Variants in CNOT7 observed in about 807,000 individuals in gnomAD.
The protein encoded by CNOT7 is CCR4-NOT transcription complex subunit 7, also known as BTG1-binding factor 1.
CNOT7 carries 4 observed loss-of-function variants against 37.1 expected under a neutral mutation model. The ratio of observed to expected loss-of-function variants is 0.11; its 90% confidence interval spans 0.05 to 0.25. The LOEUF (loss-of-function observed/expected upper bound fraction) is 0.25. CNOT7 is among the 10% of genes least tolerant of loss of function. CNOT7 has a pLI of 1.00. For synonymous variants in CNOT7, 128 were observed against 115.6 expected, an observed-to-expected ratio of 1.11 and a Z score of -0.69; for missense variants, 170 against 336.2, an observed-to-expected ratio of 0.51 and a Z score of 3.87.
rs1407514937 is a variant in CNOT7, at chr8:17,245,344, G to A, written c.-95-97C>T. 9.8e-6 allele frequency: 5 copies of A among 508,022 alleles called. No individual in the cohort carries two copies. In the Admixed American group the frequency reaches 1.3e-4, roughly 13 times the overall value. The allele number at this position is 508,022 out of a possible 1,614,324, so 31.5% of individuals were successfully genotyped here. ...GAACCTAAGAAGTTATTTATTCAAA[G>A]TTCTTGACTCATAAAAAAAAAAAAT... On this transcript the variant is annotated intron_variant, in intron 1 of 6. Transcript: ENST00000361272.
intron 4 of CNOT7, among the ~76,000 whole-genome samples, chr8:17,235,911 C>G (rs1358565021): frequency 6.6e-6 from 1 of 152,070 alleles, no homozygotes; most frequent in Non-Finnish European, 1.5e-5. Flanking sequence ...CATCTTAATA[C>G]CCAGTGCCTA....
rs893198361 is a variant in CNOT7 at position 17,227,812 on chromosome 8, C to T, written c.*2908G>A. 14 of 151,784 alleles carry T rather than the reference C, an allele frequency of 9.2e-5. No individual in the cohort carries two copies. The highest frequency in any genetic ancestry group is 1.3e-4 in the Non-Finnish European group (9 of 67,778). 9.4% of individuals were successfully genotyped at this position (151,784 alleles called of 1,614,324 possible). A position where few individuals can be genotyped will look rare whatever the true frequency, so the allele number is the denominator to read the frequency against. On this transcript the variant is annotated 3_prime_UTR_variant, in exon 7 of 7. Transcript: ENST00000361272. ...ATTCCAATGTGCCTTGAAAGTGTAA[C>T]ATTCAAAGGTACTTTTCTTGTTCTG...
In CNOT7 at chr8:17,229,419, A is replaced by T. The variant is rs554521497; in HGVS notation, c.*1301T>A. 1.3e-5 allele frequency: 2 copies of T among 152,330 alleles called. No homozygotes were observed. Among genetic ancestry groups the T allele is most frequent in the African/African-American group, 4.8e-5 (2 of 41,424 alleles). The allele number at this position is 152,330 out of a possible 1,614,324, so 9.4% of individuals were successfully genotyped here. A position where few individuals can be genotyped will look rare whatever the true frequency, so the allele number is the denominator to read the frequency against. Reference sequence around the variant, plus strand: ...GGAGATTTGCTAATATTACTGATTGAAGTGTAGGTAACACACATTATAACT... The same window carrying T: ...GGAGATTTGCTAATATTACTGATTGTAGTGTAGGTAACACACATTATAACT... On this transcript the variant is annotated 3_prime_UTR_variant, in exon 7 of 7. Coordinates refer to ENST00000361272, the MANE Select transcript of CNOT7 (RefSeq NM_013354.7).
chr8:17,241,654 A>C (rs1810183202), intron 3 of CNOT7: 1 of 152,224 alleles, frequency 6.6e-6, no homozygotes, highest in Non-Finnish European at 1.5e-5. Flanking sequence ...ACAGAAGAAC[A>C]ATGCAATATT....
Position 17,237,256 on chromosome 8 carries a change from A to C in CNOT7, c.429T>G (p.Ser143=). ...TGACCCCTTCACAGAGGACCACTCC[A>C]GAAGTCATAAGAAGTTCTGCAAAGT... ...TQYFAELLMT[S]GVVLCEGVKW... Residue 143 remains serine (S), a synonymous_variant, in exon 4 of 7, where the codon TCT becomes TCG. Transcript: ENST00000361272. 6.2e-7 allele frequency: 1 copy of C among 1,614,152 alleles called. No individual in the cohort carries two copies. Among genetic ancestry groups the C allele is most frequent in the Non-Finnish European group, 8.5e-7 (1 of 1,179,986 alleles).
Position 17,231,098 on chromosome 8 carries a change from C to T in CNOT7, c.730-250G>A, listed in dbSNP as rs183504600. On this transcript the variant is annotated intron_variant, in intron 6 of 6. Transcript: ENST00000361272. Reference sequence around the variant, plus strand: ...AAATGCATGTCTTTTCCATTTAGACCATTTTTATAAGAATTTTTCATCATG... The same window carrying T: ...AAATGCATGTCTTTTCCATTTAGACTATTTTTATAAGAATTTTTCATCATG... Among the ~76,000 whole-genome samples, 12 of 152,100 alleles carry T rather than the reference C, an allele frequency of 7.9e-5. No homozygotes were observed. In the East Asian group the frequency reaches 2.3e-3, roughly 29 times the overall value.
rs1810686980 is a variant in CNOT7, at chr8:17,244,893, T to G, written c.117+143A>C. The G allele has an allele frequency of 6.0e-6, 4 of 666,486 alleles. No individual in the cohort carries two copies. The South Asian group carries it at 7.6e-5, about 13-fold the overall frequency. The allele number at this position is 666,486 out of a possible 1,614,324, so 41.3% of individuals were successfully genotyped here. A position where few individuals can be genotyped will look rare whatever the true frequency, so the allele number is the denominator to read the frequency against. On this transcript the variant is annotated intron_variant, in intron 2 of 6. Transcript: ENST00000361272. The stretch of plus-strand genomic sequence containing the variant: ...TCACAGGTGTATTCCTGATGGATTT[T>G]GGCTGGAGGGCAGTGACAAATTTTA...
intron 5 of CNOT7, among the ~76,000 whole-genome samples, chr8:17,233,593 T>C (rs138811336): frequency 2.6e-5 from 4 of 151,930 alleles, no homozygotes; most frequent in African/African-American, 4.8e-5. Flanking sequence ...TATACAGACA[T>C]GTCAATTAAA....
intron 4 of CNOT7, among the ~76,000 whole-genome samples, chr8:17,235,148 G>A (rs1021412162): frequency 2.1e-4 from 32 of 152,114 alleles, no homozygotes; most frequent in Non-Finnish European, 4.0e-4. Context: ...GTTGATATCT[G>A]AATAGAGAAC....
chr8:17,234,489 A>T, intron 5 of CNOT7: 1 of 490,558 alleles, frequency 2.0e-6, no homozygotes, highest in Non-Finnish European at 3.7e-6. Context: ...CCTAAGCCTG[A>T]AATGTGTTGA....
At chr8:17,241,158 C>T (rs550114074) in intron 3 of CNOT7, 1 of 152,366 alleles carries the variant, frequency 6.6e-6, no homozygotes, top group South Asian at 2.1e-4. Flanking sequence ...CCTTGAACAC[C>T]TCAGTTAAAG....
At chr8:17,241,634 A>G (rs1032555910) in intron 3 of CNOT7, 2 of 152,220 alleles carry the variant, frequency 1.3e-5, no homozygotes, top group Non-Finnish European at 2.9e-5. Context: ...ACACAAATGT[A>G]GGATGTCAAA....
intron 3 of CNOT7, chr8:17,242,779 T>C (rs1055872198): frequency 3.3e-4 from 127 of 381,224 alleles, no homozygotes; most frequent in Middle Eastern, 5.5e-4. Flanking sequence ...AAAGCTGCAG[T>C]CATATTTTAA....
rs1422972025 is a variant in CNOT7 at position 17,228,176 on chromosome 8, C to T, written c.*2544G>A. 1 of 151,810 alleles carries T rather than the reference C, an allele frequency of 6.6e-6. No homozygotes were observed. Among genetic ancestry groups the T allele is most frequent in the Non-Finnish European group, 1.5e-5 (1 of 67,824 alleles). The allele number at this position is 151,810 out of a possible 1,614,324, so 9.4% of individuals were successfully genotyped here. A position where few individuals can be genotyped will look rare whatever the true frequency, so the allele number is the denominator to read the frequency against. On this transcript the variant is annotated 3_prime_UTR_variant, in exon 7 of 7. Coordinates refer to ENST00000361272, the MANE Select transcript of CNOT7 (RefSeq NM_013354.7). Reference sequence around the variant, plus strand: ...AAAGCCATTTTCAGTTCATGGGCCACACAAAAACAGGCAGCAAGCTGATTC... The same window carrying T: ...AAAGCCATTTTCAGTTCATGGGCCATACAAAAACAGGCAGCAAGCTGATTC...
intron 4 of CNOT7, among the ~76,000 whole-genome samples, chr8:17,236,169 T>C (rs1223155660): frequency 6.6e-6 from 1 of 152,184 alleles, no homozygotes; most frequent in Non-Finnish European, 1.5e-5. Flanking sequence ...CCATTTCTGG[T>C]TAGTACACAT....
intron 4 of CNOT7, among the ~76,000 whole-genome samples, chr8:17,236,742 A>G: frequency 6.6e-6 from 1 of 152,212 alleles, no homozygotes; most frequent in Non-Finnish European, 1.5e-5. Context: ...CCATGAGAAT[A>G]TAAACTCCAT....
intron 5 of CNOT7, among the ~76,000 whole-genome samples, chr8:17,233,886 C>T (rs1341026252): frequency 6.6e-6 from 1 of 152,176 alleles, no homozygotes; most frequent in Non-Finnish European, 1.5e-5. Flanking sequence ...AACCCCGACT[C>T]TACTAAAAAT....
chr8:17,236,066 CTTAAG>C (rs1412867407), intron 4 of CNOT7, among the ~76,000 whole-genome samples: 5 of 152,120 alleles, frequency 3.3e-5, no homozygotes, highest in African/African-American at 1.2e-4. Flanking sequence ...TATCAAGAGT[CTTAAG>C]TTATGTTTCC....
At position 17,237,880 on chromosome 8, in the gene CNOT7, AAAG is replaced by A. The variant is rs572019274; in HGVS notation, c.312-510_312-508del. 9.9e-4 allele frequency among the ~76,000 whole-genome samples: 151 copies of A among 152,370 alleles called. 1 individual carries two copies. Among genetic ancestry groups the A allele is most frequent in the Non-Finnish European group, 1.7e-3 (114 of 68,034 alleles). ...GATGAGTTAAACTACACTTCATCTT[AAAG>A]AAGGAGATGCCTCCTTTCACAAATG... On this transcript the variant is annotated intron_variant, in intron 3 of 6. Coordinates refer to ENST00000361272, the MANE Select transcript of CNOT7 (RefSeq NM_013354.7).
Sources: gnomAD v4.1 joint callset for allele counts (sites outside exome capture counted in the v4.1 genomes callset) on GRCh38, gnomAD v4.1.1 for gene constraint, MANE v1.5 for transcripts, NCBI Gene and HGNC (gene_info 2026-07-23, HGNC 2026-07-21) for gene names.